The following CRY1 variants were observed in gnomAD, a reference collection of about 807,000 sequenced individuals.
CRY1 encodes the protein cryptochrome circadian regulator 1.
In CRY1, 45 loss-of-function variants were observed where a neutral mutation model predicts 76.0. The observed-to-expected ratio is 0.59, with a 90% CI of 0.47 to 0.76. The LOEUF (loss-of-function observed/expected upper bound fraction) is 0.76, where lower values mean the gene tolerates loss of function less well. Ranked by LOEUF, CRY1 falls within the 30% of genes least tolerant of loss-of-function variation. The probability of loss-of-function intolerance (pLI) is 0.00; values close to 1 mark genes in which losing one functional copy is unlikely to be tolerated. For missense variants in CRY1, 587 were observed against 716.4 expected (o/e 0.82, Z 2.06); for synonymous variants, 248 against 244.0 (o/e 1.02, Z -0.15).
chr12:106,997,518 A>T lies in CRY1; in HGVS notation c.1462T>A (p.Tyr488Asn). ...RLNIERMKQI[Y>N]QQLSRYRGLG... The stretch of plus-strand genomic sequence containing the variant: ...CCTCTATATCGTGAAAGCTGCTGAT[A>T]GATCTGTTTCATCCTTTCGATATTC... Residue 488 changes from tyrosine to asparagine, a missense_variant, in exon 9 of 13, where the codon TAT (tyrosine) becomes AAT (asparagine). Tyr to Asn is a moderately radical substitution (Grantham distance 143). Coordinates refer to ENST00000008527, the MANE Select transcript of CRY1 (RefSeq NM_004075.5). The T allele has an allele frequency of 6.2e-7, 1 of 1,614,108 alleles. No individual in the cohort carries two copies. The highest frequency in any genetic ancestry group is 8.5e-7 in the Non-Finnish European group (1 of 1,180,000).
chr12:107,012,054 G>C (rs1437241443), intron 2 of CRY1, among the ~76,000 whole-genome samples: 2 of 152,156 alleles, frequency 1.3e-5, no homozygotes, highest in Non-Finnish European at 2.9e-5. Context: ...GCCGGGCATG[G>C]TGGTGCACGC....
intron 1 of CRY1, among the ~76,000 whole-genome samples, chr12:107,062,356 A>G (rs554630130): frequency 6.6e-6 from 1 of 152,160 alleles, no homozygotes; most frequent in Non-Finnish European, 1.5e-5. Context: ...TACATTCAAC[A>G]ATTAATCATG....
intron 1 of CRY1, among the ~76,000 whole-genome samples, chr12:107,055,968 A>G (rs1370742965): frequency 1.3e-5 from 2 of 152,262 alleles, no homozygotes; most frequent in African/African-American, 4.8e-5. Context: ...TAAACAAACA[A>G]AAATACTGGT....
intron 2 of CRY1, among the ~76,000 whole-genome samples, chr12:107,014,223 G>T (rs1242936934): frequency 2.0e-5 from 3 of 152,176 alleles, no homozygotes; most frequent in Non-Finnish European, 2.9e-5. Context: ...TTCCTGGTAG[G>T]TATGGGCTAA....
At chr12:107,073,711 C>G (rs1175112236) in intron 1 of CRY1, among the ~76,000 whole-genome samples, 1 of 151,948 alleles carries the variant, frequency 6.6e-6, no homozygotes, top group Non-Finnish European at 1.5e-5. Context: ...CCTGGGCGAC[C>G]AATTGAGACA....
chr12:107,028,557 A>G (rs755599282), intron 1 of CRY1, among the ~76,000 whole-genome samples: 57 of 152,300 alleles, frequency 3.7e-4, no homozygotes, highest in Non-Finnish European at 5.1e-4. Context: ...CATACACACA[A>G]TTTTAAAGCA....
At chr12:107,091,462 A>C (rs1953471573) in intron 1 of CRY1, among the ~76,000 whole-genome samples, 1 of 152,152 alleles carries the variant, frequency 6.6e-6, no homozygotes, top group African/African-American at 2.4e-5. Context: ...AGCCGTTATC[A>C]TCTCTCACCT....
intron 1 of CRY1, among the ~76,000 whole-genome samples, chr12:107,051,065 A>G (rs898732813): frequency 6.6e-6 from 1 of 152,226 alleles, no homozygotes; most frequent in Non-Finnish European, 1.5e-5. Flanking sequence ...GTGGAGAAAC[A>G]GTTTAAAAAT....
chr12:107,040,691 A>G (rs1461080400), intron 1 of CRY1, among the ~76,000 whole-genome samples: 1 of 151,710 alleles, frequency 6.6e-6, no homozygotes, highest in African/African-American at 2.4e-5. Flanking sequence ...TTATTCCTAC[A>G]GCAATAAAAT....
intron 1 of CRY1, among the ~76,000 whole-genome samples, chr12:107,089,903 G>T (rs1365902822): frequency 6.6e-6 from 1 of 152,070 alleles, no homozygotes; most frequent in African/African-American, 2.4e-5. Flanking sequence ...CACTGAATTT[G>T]GTACTATGAG....
At chr12:107,046,524 C>G (rs1311686227) in intron 1 of CRY1, among the ~76,000 whole-genome samples, 1 of 152,116 alleles carries the variant, frequency 6.6e-6, no homozygotes, top group Non-Finnish European at 1.5e-5. Context: ...AGGAATAAGA[C>G]CTCACCAATC....
chr12:107,014,522 T>C (rs988744347), intron 2 of CRY1, among the ~76,000 whole-genome samples: 1 of 152,194 alleles, frequency 6.6e-6, no homozygotes, highest in Admixed American at 6.5e-5. Context: ...AATTAATGCA[T>C]ACTGATTTTC....
rs1328030847 is a variant in CRY1, at chr12:107,000,045, G to A, written c.722C>T (p.Ala241Val). 1.2e-5 allele frequency: 19 copies of A among 1,609,466 alleles called. No homozygotes were observed. Among genetic ancestry groups the A allele is most frequent in the Middle Eastern group, 1.6e-4 (1 of 6,064 alleles). The change falls in exon 6 of 13, where the codon GCG (alanine) becomes GTG (valine). Residue 241 changes from alanine (A) to valine (V), a missense_variant. Transcript: ENST00000008527. Reference protein sequence around the residue: ...VANFERPRMNANSLLASPTGL... With the variant: ...VANFERPRMNVNSLLASPTGL... ...AGTAGGGCTTGCAAGCAGAGAATTC[G>A]CATTCATTCGAGGTCTTTCAAAATT...
intron 2 of CRY1, among the ~76,000 whole-genome samples, chr12:107,009,590 A>G (rs1323142030): frequency 2.6e-5 from 2 of 76,212 alleles, no homozygotes; most frequent in African/African-American, 2.0e-4. Flanking sequence ...ATATATATAT[A>G]TATATATATA....
At chr12:107,014,162 G>A (rs1049810484) in intron 2 of CRY1, among the ~76,000 whole-genome samples, 1 of 152,192 alleles carries the variant, frequency 6.6e-6, no homozygotes, top group Non-Finnish European at 1.5e-5. Flanking sequence ...TTACCGGAGG[G>A]CAATGACCAA....
chr12:107,032,721 A>T (rs933510441), intron 1 of CRY1, among the ~76,000 whole-genome samples: 75 of 152,302 alleles, frequency 4.9e-4, no homozygotes, highest in Admixed American at 5.2e-4. Flanking sequence ...AGGTGGGAGG[A>T]TCGCTCAAGC....
At position 106,993,023 on chromosome 12, in the gene CRY1, C is replaced by T. The variant is rs142529546; in HGVS notation, c.1599G>A (p.Gly533=). Residue 533 remains glycine, a synonymous_variant, in exon 11 of 13, where the codon GGG becomes GGA. Coordinates refer to ENST00000008527, the MANE Select transcript of CRY1 (RefSeq NM_004075.5). ...GCSSSGSCSQ[G]SGILHYAHGD... The stretch of plus-strand genomic sequence containing the variant: ...CATGAGCATAGTGTAAAATACCACT[C>T]CCTTGAGAGCAACCTGTTAGTATTT... The T allele has an allele frequency of 3.3e-4, 537 of 1,613,842 alleles. No individual in the cohort carries two copies. Among genetic ancestry groups the T allele is most frequent in the Non-Finnish European group, 4.4e-4 (518 of 1,179,886 alleles).
intron 1 of CRY1, among the ~76,000 whole-genome samples, chr12:107,031,043 C>T (rs931467078): frequency 2.0e-5 from 3 of 152,150 alleles, no homozygotes; most frequent in African/African-American, 7.2e-5. Context: ...TCAAAACAAA[C>T]CTGTTATCAA....
intron 1 of CRY1, among the ~76,000 whole-genome samples, chr12:107,032,313 T>C (rs1952686222): frequency 6.6e-6 from 1 of 152,224 alleles, no homozygotes; most frequent in Admixed American, 6.5e-5. Context: ...ATACAGAGCA[T>C]ACAGGAACTC....
Sources: allele counts gnomAD v4.1 joint callset (sites outside exome capture counted in the v4.1 genomes callset), GRCh38; gene constraint gnomAD v4.1.1; transcripts MANE v1.5; gene names NCBI Gene and HGNC (gene_info 2026-07-23, HGNC 2026-07-21).